The following CA10 variants were observed in gnomAD, a reference collection of about 807,000 sequenced individuals.
CA10 encodes carbonic anhydrase 10 (inactive).
CA10 carries 14 observed loss-of-function variants against 44.2 expected under a neutral mutation model. The observed-to-expected ratio is 0.32, with a 90% CI of 0.21 to 0.50. The LOEUF (loss-of-function observed/expected upper bound fraction) is 0.50. Among genes scored for constraint, CA10 ranks in the 20% least tolerant of loss-of-function variants. CA10 has a pLI of 0.99. For missense variants in CA10, 350 were observed against 409.7 expected, an observed-to-expected ratio of 0.85 and a Z score of 1.26; for synonymous variants, 159 against 141.6, an observed-to-expected ratio of 1.12 and a Z score of -0.87.
At chr17:52,103,163 T>TA (rs1283263431) in intron 1 of CA10, among the ~76,000 whole-genome samples, 2 of 152,210 alleles carry the variant, frequency 1.3e-5, no homozygotes, top group African/African-American at 4.8e-5. Context: ...CTGTGTTTTG[T>TA]AAAACCATCT....
chr17:51,807,590 C>T lies in CA10; in HGVS notation c.280-59772G>A, dbSNP rs138659090. 4.9e-3 allele frequency among the ~76,000 whole-genome samples: 746 copies of T among 152,148 alleles called. 3 individuals carry two copies. The highest frequency in any genetic ancestry group is 7.8e-3 in the Non-Finnish European group (528 of 68,006). On this transcript the variant is annotated intron_variant, in intron 3 of 8. Transcript: ENST00000451037. ...TTCATGCCACCTTTTTTAATAATAG[C>T]GCAAAATAGAAATAACAAAAACCTT...
intron 2 of CA10, chr17:52,070,297 T>C (rs563103763): frequency 1.7e-4 from 26 of 150,602 alleles, no homozygotes; most frequent in African/African-American, 6.1e-4. Context: ...TGAGAAACCC[T>C]TACACACATT....
At chr17:51,646,179 A>G (rs1913327410) in intron 6 of CA10, among the ~76,000 whole-genome samples, 1 of 152,188 alleles carries the variant, frequency 6.6e-6, no homozygotes, top group Non-Finnish European at 1.5e-5. Flanking sequence ...AATGTGTGTC[A>G]TTGGTCAAAT....
chr17:51,694,333 TTAA>T (rs1233143812), intron 4 of CA10, among the ~76,000 whole-genome samples: 3 of 152,246 alleles, frequency 2.0e-5, no homozygotes, highest in Non-Finnish European at 2.9e-5. Flanking sequence ...TTTTGACTTT[TTAA>T]TAATAGCCAT....
intron 4 of CA10, among the ~76,000 whole-genome samples, chr17:51,671,407 T>A (rs3060124): frequency 1.6e-4 from 7 of 44,252 alleles, no homozygotes; most frequent in Non-Finnish European, 2.7e-4. Flanking sequence ...TTTTTTTTGT[T>A]TTTGTTTTTG....
At chr17:51,805,734 C>T (rs578122202) in intron 3 of CA10, among the ~76,000 whole-genome samples, 3 of 152,274 alleles carry the variant, frequency 2.0e-5, no homozygotes, top group African/African-American at 7.2e-5. Flanking sequence ...TTTCCATCAC[C>T]CAAAAAGCTT....
At chr17:51,810,884 G>A (rs1907334332) in intron 3 of CA10, among the ~76,000 whole-genome samples, 1 of 152,144 alleles carries the variant, frequency 6.6e-6, no homozygotes, top group Admixed American at 6.5e-5. Flanking sequence ...CAATTCCAAT[G>A]GGTCAAGTCA....
At chr17:51,847,041 A>G (rs1978525901) in intron 3 of CA10, among the ~76,000 whole-genome samples, 1 of 152,152 alleles carries the variant, frequency 6.6e-6, no homozygotes, top group Admixed American at 6.5e-5. Context: ...TATATAATAA[A>G]CCCAAAACCA....
intron 2 of CA10, among the ~76,000 whole-genome samples, chr17:51,948,638 A>G (rs1406688013): frequency 6.6e-6 from 1 of 152,102 alleles, no homozygotes; most frequent in African/African-American, 2.4e-5. Context: ...CTGAAGTGGT[A>G]GTTGGTTCCT....
intron 3 of CA10, among the ~76,000 whole-genome samples, chr17:51,840,921 CAGAA>C (rs1032367449): frequency 2.5e-4 from 38 of 152,278 alleles, no homozygotes; most frequent in African/African-American, 9.1e-4. Flanking sequence ...ATTTAAGAAA[CAGAA>C]AGCAAACCAG....
intron 1 of CA10, among the ~76,000 whole-genome samples, chr17:52,120,509 C>T (rs1439384256): frequency 2.0e-5 from 3 of 152,118 alleles, no homozygotes; most frequent in Non-Finnish European, 4.4e-5. Flanking sequence ...AGATGTACTT[C>T]TAACCTAAGG....
At chr17:52,005,377 A>G (rs1484295540) in intron 2 of CA10, among the ~76,000 whole-genome samples, 2 of 151,962 alleles carry the variant, frequency 1.3e-5, no homozygotes, top group Non-Finnish European at 2.9e-5. Context: ...ACAATGAATA[A>G]TGGATGACTT....
intron 3 of CA10, among the ~76,000 whole-genome samples, chr17:51,841,075 C>G (rs2143804594): frequency 6.6e-6 from 1 of 152,292 alleles, no homozygotes; most frequent in South Asian, 2.1e-4. Context: ...ATCCTGCTTT[C>G]CTGGAGAGAA....
At chr17:51,653,145 G>A (rs182643049) in intron 5 of CA10, among the ~76,000 whole-genome samples, 37 of 152,300 alleles carry the variant, frequency 2.4e-4, no homozygotes, top group African/African-American at 8.2e-4. Flanking sequence ...ATGAAGGAAC[G>A]GGAGAGCGAG....
At chr17:51,953,332 A>G (rs1247053647) in intron 2 of CA10, among the ~76,000 whole-genome samples, 1 of 151,970 alleles carries the variant, frequency 6.6e-6, no homozygotes, top group Non-Finnish European at 1.5e-5. Flanking sequence ...CAATTCCCAC[A>G]TGTATTTGGG....
intron 3 of CA10, among the ~76,000 whole-genome samples, chr17:51,845,752 C>T (rs1411396398): frequency 6.6e-6 from 1 of 152,184 alleles, no homozygotes; most frequent in East Asian, 1.9e-4. Context: ...GGGCTTCTTT[C>T]TTGCACAGAA....
chr17:52,013,015 C>T (rs1300354560), intron 2 of CA10, among the ~76,000 whole-genome samples: 1 of 151,890 alleles, frequency 6.6e-6, no homozygotes, highest in East Asian at 1.9e-4. Context: ...TGTCATGTAA[C>T]AAATTTTAAC....
intron 1 of CA10, among the ~76,000 whole-genome samples, chr17:52,111,090 G>A (rs1327527751): frequency 2.6e-5 from 4 of 152,114 alleles, no homozygotes; most frequent in Non-Finnish European, 4.4e-5. Flanking sequence ...TGTCTCATCC[G>A]CATATTCAAA....
chr17:51,749,556 C>T (rs1025274679), intron 3 of CA10, among the ~76,000 whole-genome samples: 4 of 152,198 alleles, frequency 2.6e-5, no homozygotes, highest in Non-Finnish European at 5.9e-5. Context: ...TCCACTGACC[C>T]ATAGGCTTGG....
Sources: gnomAD v4.1 joint callset for allele counts (sites outside exome capture counted in the v4.1 genomes callset) on GRCh38, gnomAD v4.1.1 for gene constraint, MANE v1.5 for transcripts, NCBI Gene and HGNC (gene_info 2026-07-23, HGNC 2026-07-21) for gene names.